UBAC2: variants seen among roughly 807,000 people sequenced by gnomAD.
UBAC2 encodes the protein UBA domain containing 2.
In UBAC2, 26 loss-of-function variants were observed where a neutral mutation model predicts 44.0. That is an observed-to-expected ratio of 0.59 (90% CI 0.43 to 0.82). UBAC2 has a LOEUF of 0.82. UBAC2 is among the 40% of genes least tolerant of loss of function. The probability of loss-of-function intolerance (pLI) is 0.00; values close to 1 mark genes in which losing one functional copy is unlikely to be tolerated. For synonymous variants in UBAC2, 155 were observed against 154.3 expected, an observed-to-expected ratio of 1.00 and a Z score of -0.04; for missense variants, 329 against 419.4, an observed-to-expected ratio of 0.78 and a Z score of 1.88.
chr13:99,292,708 A>G lies in UBAC2; in HGVS notation c.390-21389A>G, dbSNP rs2044107566. 3.3e-5 allele frequency among the ~76,000 whole-genome samples: 3 copies of G among 90,620 alleles called. No homozygotes were observed. In the South Asian group the frequency reaches 1.4e-3, roughly 43 times the overall value. The allele number at this position is 90,620 out of a possible 152,430, so 59.5% of individuals were successfully genotyped here. A position where few individuals can be genotyped will look rare whatever the true frequency, so the allele number is the denominator to read the frequency against. On this transcript the variant is annotated intron_variant, in intron 4 of 8. Transcript: ENST00000403766. ...TTATTTACACTGATCCAAACTAAATAGCTTTGAGGGTTTTTTTTTTTAATG... is the reference window on the plus strand; with the variant it reads ...TTATTTACACTGATCCAAACTAAATGGCTTTGAGGGTTTTTTTTTTTAATG...
At chr13:99,311,035 CA>C (rs1294248557) in intron 4 of UBAC2, among the ~76,000 whole-genome samples, 1 of 152,124 alleles carries the variant, frequency 6.6e-6, no homozygotes, top group East Asian at 1.9e-4. Context: ...CTTTTTAAAA[CA>C]AAAGGCAAGT....
intron 4 of UBAC2, among the ~76,000 whole-genome samples, chr13:99,297,055 A>G (rs2044185987): frequency 6.6e-6 from 1 of 152,180 alleles, no homozygotes; most frequent in South Asian, 2.1e-4. Flanking sequence ...TAGATATTCT[A>G]CAGTCTTCCA....
intron 3 of UBAC2, 83 bp downstream of exon 3, chr13:99,244,034 GTGT>G (rs796100519): frequency 1.2e-5 from 14 of 1,156,622 alleles, no homozygotes; most frequent in African/African-American, 1.1e-4. Flanking sequence ...GTTAAACTTG[GTGT>G]TGTTATTTAC....
chr13:99,329,882 C>G (rs2044690364), intron 6 of UBAC2, among the ~76,000 whole-genome samples: 1 of 152,210 alleles, frequency 6.6e-6, no homozygotes. Context: ...ATAATAGATG[C>G]TTATTGTTTC....
chr13:99,339,083 C>T (rs2044845091), intron 6 of UBAC2, among the ~76,000 whole-genome samples: 1 of 152,160 alleles, frequency 6.6e-6, no homozygotes, highest in African/African-American at 2.4e-5. Flanking sequence ...ACTCTGAAAT[C>T]CTTATCTCGA....
At chr13:99,355,769 G>GC (rs933010176) in intron 7 of UBAC2, among the ~76,000 whole-genome samples, 20 of 152,272 alleles carry the variant, frequency 1.3e-4, no homozygotes, top group East Asian at 1.9e-4. Context: ...GGTGCCACAA[G>GC]CCCCCCCGCA....
At chr13:99,215,423 T>G in intron 1 of UBAC2, 1 of 1,332,440 alleles carries the variant, frequency 7.5e-7, no homozygotes, top group Admixed American at 1.7e-5. Context: ...TGTGGATGTG[T>G]GGAATGACAC....
Position 99,279,667 on chromosome 13 carries a change from G to A in UBAC2, c.390-34430G>A, listed in dbSNP as rs7993014. The stretch of plus-strand genomic sequence containing the variant: ...TAGACTGTGTGACTTATAAACAACC[G>A]AAATTTATTTCTCACAGTTCTGGAG... On this transcript the variant is annotated intron_variant, in intron 4 of 8. Transcript: ENST00000403766. 5.5e-3 allele frequency among the ~76,000 whole-genome samples: 842 copies of A among 152,276 alleles called. 7 individuals carry two copies. The highest frequency in any genetic ancestry group is 0.019 in the African/African-American group (797 of 41,566).
intron 1 of UBAC2, among the ~76,000 whole-genome samples, chr13:99,213,642 T>C (rs2042959319): frequency 6.6e-6 from 1 of 151,594 alleles, no homozygotes; most frequent in South Asian, 2.1e-4. Flanking sequence ...TTACAGGCAT[T>C]AGTCACTGCA....
At chr13:99,273,168 G>T (rs2138669257) in intron 4 of UBAC2, among the ~76,000 whole-genome samples, 1 of 151,958 alleles carries the variant, frequency 6.6e-6, no homozygotes, top group Non-Finnish European at 1.5e-5. Context: ...TTTATAACTT[G>T]AGGTTCATCT....
intron 4 of UBAC2, among the ~76,000 whole-genome samples, chr13:99,266,585 T>G (rs1302082583): frequency 1.3e-5 from 2 of 152,204 alleles, no homozygotes; most frequent in Non-Finnish European, 2.9e-5. Context: ...ATTCCTGGGC[T>G]AGGGCCTTGA....
chr13:99,277,230 AAAGGCAATATT>A (rs1323098472), intron 4 of UBAC2, among the ~76,000 whole-genome samples: 1 of 152,226 alleles, frequency 6.6e-6, no homozygotes, highest in African/African-American at 2.4e-5. Context: ...ACCATCTTTA[AAAGGCAATATT>A]AAGGCCAGGT....
chr13:99,339,518 T>C (rs1200733459), intron 6 of UBAC2, among the ~76,000 whole-genome samples: 4 of 152,250 alleles, frequency 2.6e-5, no homozygotes, highest in African/African-American at 9.6e-5. Context: ...CAAAGAATTC[T>C]TGCCAATTCA....
chr13:99,239,275 A>G (rs773192014), intron 2 of UBAC2, among the ~76,000 whole-genome samples: 2 of 152,192 alleles, frequency 1.3e-5, no homozygotes, highest in South Asian at 2.1e-4. Context: ...TTAGTTATTT[A>G]TCCGTATTAC....
At chr13:99,252,342 C>G (rs2043468837) in intron 4 of UBAC2, among the ~76,000 whole-genome samples, 1 of 152,254 alleles carries the variant, frequency 6.6e-6, no homozygotes. Flanking sequence ...CCAAGTTTTA[C>G]TTTATGTACT....
intron 4 of UBAC2, among the ~76,000 whole-genome samples, chr13:99,283,713 C>CTTTTTT (rs71118470): frequency 3.2e-5 from 2 of 62,564 alleles, no homozygotes; most frequent in African/African-American, 1.2e-4. Context: ...TTAATGCCAC[C>CTTTTTT]TTTTTTTTTT....
chr13:99,287,900 T>C (rs1475987080), intron 4 of UBAC2, among the ~76,000 whole-genome samples: 1 of 152,186 alleles, frequency 6.6e-6, no homozygotes, highest in African/African-American at 2.4e-5. Flanking sequence ...TTGCATATAC[T>C]TTCATTACTC....
chr13:99,266,944 G>A (rs1190339506), intron 4 of UBAC2, among the ~76,000 whole-genome samples: 2 of 152,084 alleles, frequency 1.3e-5, no homozygotes, highest in Non-Finnish European at 2.9e-5. Flanking sequence ...TGGCTGTATC[G>A]TTTTCCCCAG....
chr13:99,319,429 T>C (rs1566500892), intron 6 of UBAC2, among the ~76,000 whole-genome samples: 1 of 152,236 alleles, frequency 6.6e-6, no homozygotes, highest in Non-Finnish European at 1.5e-5. Context: ...CCTTGTTTCT[T>C]GGGTGAATGA....
Sources: allele counts gnomAD v4.1 joint callset (sites outside exome capture counted in the v4.1 genomes callset), GRCh38; gene constraint gnomAD v4.1.1; transcripts MANE v1.5; gene names NCBI Gene and HGNC (gene_info 2026-07-23, HGNC 2026-07-21).